Variants in STIM1 observed in about 807,000 individuals in gnomAD.
The protein encoded by STIM1 is stromal interaction molecule 1.
A neutral mutation model predicts 74.7 loss-of-function variants in STIM1; 25 were observed. The observed-to-expected ratio is 0.33, with a 90% CI of 0.24 to 0.47. The LOEUF (loss-of-function observed/expected upper bound fraction) is 0.47. Among genes scored for constraint, STIM1 ranks in the 20% least tolerant of loss-of-function variants. The pLI is 1.00. For missense variants in STIM1, 728 were observed against 920.8 expected, an observed-to-expected ratio of 0.79 and a Z score of 2.71; for synonymous variants, 328 against 348.8, an observed-to-expected ratio of 0.94 and a Z score of 0.66.
chr11:3,920,981 A>G (rs902957413), intron 1 of STIM1, among the ~76,000 whole-genome samples: 13 of 151,992 alleles, frequency 8.6e-5, no homozygotes, highest in Non-Finnish European at 1.5e-5. Context: ...TTTTTAGTAG[A>G]GACGGGGTTT....
At chr11:4,059,859 C>A (rs2094318612) in intron 5 of STIM1, among the ~76,000 whole-genome samples, 2 of 152,152 alleles carry the variant, frequency 1.3e-5, no homozygotes, top group African/African-American at 2.4e-5. Flanking sequence ...AGTACAAAAG[C>A]TAAAATATGA....
In STIM1 at chr11:4,003,731, T is replaced by G. The variant is rs531827804; in HGVS notation, c.271-20142T>G. On this transcript the variant is annotated intron_variant, in intron 2 of 12. Transcript: ENST00000526596. ...CTATTCAACATAGTGTTGGAAGTTCTGGCCAGGGCAACTAGGCAGAAGAAA... is the reference window on the plus strand; with the variant it reads ...CTATTCAACATAGTGTTGGAAGTTCGGGCCAGGGCAACTAGGCAGAAGAAA... 3.2e-3 allele frequency among the ~76,000 whole-genome samples: 494 copies of G among 152,308 alleles called. 2 individuals are homozygous for G. The highest frequency in any genetic ancestry group is 0.011 in the African/African-American group (460 of 41,564).
At chr11:3,914,970 C>A (rs2135495499) in intron 1 of STIM1, among the ~76,000 whole-genome samples, 1 of 151,928 alleles carries the variant, frequency 6.6e-6, no homozygotes, top group African/African-American at 2.4e-5. Context: ...GTGGGTGTGA[C>A]ATGTTATCTC....
chr11:4,032,570 A>T (rs1281712709), intron 3 of STIM1, among the ~76,000 whole-genome samples: 1 of 152,210 alleles, frequency 6.6e-6, no homozygotes, highest in African/African-American at 2.4e-5. Flanking sequence ...TGGGATTTTG[A>T]ATAGGATTGC....
At chr11:4,080,602 G>T (rs1042879496) in intron 7 of STIM1, among the ~76,000 whole-genome samples, 3 of 151,878 alleles carry the variant, frequency 2.0e-5, no homozygotes, top group African/African-American at 7.3e-5. Context: ...GAGTAGCTGG[G>T]ACCACAGGTG....
At chr11:4,088,738 G>T in intron 12 of STIM1, 1 of 1,535,816 alleles carries the variant, frequency 6.5e-7, no homozygotes, top group South Asian at 1.2e-5. Flanking sequence ...TCTCTAGTAA[G>T]GTCAGTAGCT....
Position 4,091,545 on chromosome 11 carries a change from C to T in STIM1, c.1898C>T (p.Ser633Leu). The change falls in exon 13 of 13, where the codon TCA (serine) becomes TTA (leucine). Residue 633 changes from serine (S) to leucine (L), a missense_variant. Coordinates refer to ENST00000526596, the MANE Select transcript of STIM1 (RefSeq NM_001382567.1). The part of the protein sequence containing the change: ...KAHSLMELSP[S>L]APPGGSPHLD... Reference sequence around the variant, plus strand: ...CACAGCCTGATGGAGCTGAGCCCCTCAGCCCCACCTGGTGGCTCTCCACAT... The same window carrying T: ...CACAGCCTGATGGAGCTGAGCCCCTTAGCCCCACCTGGTGGCTCTCCACAT... 1 of 1,614,220 alleles carries T rather than the reference C, an allele frequency of 6.2e-7. No homozygotes were observed.
At chr11:4,021,137 T>G (rs1200367929) in intron 2 of STIM1, among the ~76,000 whole-genome samples, 1 of 53,032 alleles carries the variant, frequency 1.9e-5, no homozygotes, top group East Asian at 6.1e-4. Context: ...TTGCCTATGG[T>G]GGTGGTGGTG....
At chr11:3,875,875 G>C (rs1003107548) in intron 1 of STIM1, among the ~76,000 whole-genome samples, 4 of 152,092 alleles carry the variant, frequency 2.6e-5, no homozygotes, top group Non-Finnish European at 5.9e-5. Context: ...GCTTTGTATT[G>C]TTTTGATAAC....
chr11:3,944,735 G>T (rs1172082567), intron 1 of STIM1, among the ~76,000 whole-genome samples: 1 of 152,202 alleles, frequency 6.6e-6, no homozygotes, highest in East Asian at 1.9e-4. Flanking sequence ...ATTGTAGTGA[G>T]CATCGGTGAG....
intron 6 of STIM1, among the ~76,000 whole-genome samples, chr11:4,070,608 G>T (rs961542732): frequency 3.3e-5 from 5 of 152,118 alleles, no homozygotes. Context: ...ACTGTCCTTA[G>T]TTCTTTCTTA....
At chr11:3,860,471 C>G (rs903046991) in intron 1 of STIM1, among the ~76,000 whole-genome samples, 5 of 152,334 alleles carry the variant, frequency 3.3e-5, no homozygotes, top group Middle Eastern at 3.4e-3. Context: ...ACTCTCAAAA[C>G]TTTGTGATAA....
intron 2 of STIM1, among the ~76,000 whole-genome samples, chr11:4,011,566 T>G (rs572875920): frequency 8.5e-5 from 13 of 152,222 alleles, no homozygotes; most frequent in African/African-American, 2.6e-4. Flanking sequence ...ACTTTTTGAT[T>G]GGGTTGTTTG....
chr11:3,900,639 G>T (rs2092324291), intron 1 of STIM1, among the ~76,000 whole-genome samples: 1 of 152,342 alleles, frequency 6.6e-6, no homozygotes, highest in South Asian at 2.1e-4. Flanking sequence ...AGGCTAGAGT[G>T]CAGGTTTGCG....
chr11:4,064,802 T>C (rs528301545), intron 5 of STIM1, among the ~76,000 whole-genome samples: 4 of 152,300 alleles, frequency 2.6e-5, no homozygotes, highest in African/African-American at 7.2e-5. Flanking sequence ...CACTGCCCTT[T>C]AGGATCTTTT....
rs2092083651 is a variant in STIM1 at position 3,895,683 on chromosome 11, C to CTTCCTTCTTTCTTTCT, written c.139+39277_139+39278insCTTCTTTCTTTCTTTC. Among the ~76,000 whole-genome samples, 5 of 37,966 alleles carry CTTCCTTCTTTCTTTCT rather than the reference C, an allele frequency of 1.3e-4. 1 individual carries two copies. Among genetic ancestry groups the CTTCCTTCTTTCTTTCT allele is most frequent in the Non-Finnish European group, 1.9e-4 (4 of 20,644 alleles). 24.9% of individuals were successfully genotyped at this position (37,966 alleles called of 152,430 possible). On this transcript the variant is annotated intron_variant, in intron 1 of 12. Transcript: ENST00000526596. ...CTTTCTTTCTTTCTTTCCTTCCTTC[C>CTTCCTTCTTTCTTTCT]TTCTTTCTTTCTTTCTTTCTTTCTT...
intron 3 of STIM1, among the ~76,000 whole-genome samples, chr11:4,028,524 T>G (rs2094018550): frequency 6.6e-6 from 1 of 151,906 alleles, no homozygotes; most frequent in South Asian, 2.1e-4. Flanking sequence ...TTCTCCTGCG[T>G]CAGCCTCCCG....
chr11:3,927,307 G>A (rs180741683), intron 1 of STIM1, among the ~76,000 whole-genome samples: 1 of 152,148 alleles, frequency 6.6e-6, no homozygotes, highest in African/African-American at 2.4e-5. Context: ...GCCCTATGTT[G>A]TTAATGACCT....
chr11:3,881,103 A>AG lies in STIM1; in HGVS notation c.139+24694_139+24695insG, dbSNP rs959397319. 1.2e-4 allele frequency among the ~76,000 whole-genome samples: 18 copies of AG among 151,938 alleles called. 1 individual carries two copies. The highest frequency in any genetic ancestry group is 4.3e-4 in the African/African-American group (18 of 41,430). ...GTAGGCCGTTTATTAAAAAAAAAAAAAAAAAGGAAAATCACATAACATAAA... is the reference window on the plus strand; with the variant it reads ...GTAGGCCGTTTATTAAAAAAAAAAAAGAAAAAGGAAAATCACATAACATAAA... On this transcript the variant is annotated intron_variant, in intron 1 of 12. Transcript: ENST00000526596.
Sources: allele counts gnomAD v4.1 joint callset (sites outside exome capture counted in the v4.1 genomes callset), GRCh38; gene constraint gnomAD v4.1.1; transcripts MANE v1.5; gene names NCBI Gene and HGNC (gene_info 2026-07-23, HGNC 2026-07-21).